Variants in SAMSN1 observed in about 807,000 individuals in gnomAD.
SAMSN1 encodes SAM domain-containing protein SAMSN-1.
Under a neutral mutation model 42.0 loss-of-function variants are expected in SAMSN1, and 31 were observed. The observed-to-expected ratio is 0.74, with a 90% CI of 0.55 to 1.00. SAMSN1 has a LOEUF of 1.00. Ranked by LOEUF, SAMSN1 falls within the 50% of genes least tolerant of loss-of-function variation. The pLI is 0.00. For missense variants in SAMSN1, 464 were observed against 439.4 expected (o/e 1.06, Z -0.50); for synonymous variants, 178 against 151.9 (o/e 1.17, Z -1.26).
intron 1 of SAMSN1, among the ~76,000 whole-genome samples, chr21:14,535,996 T>A (rs909464034): frequency 6.6e-6 from 1 of 152,232 alleles, no homozygotes; most frequent in South Asian, 2.1e-4. Context: ...TCTCTATCTA[T>A]GCAAGAATCA....
At chr21:14,605,660 A>T (rs1486027041) in intron 5 of SAMSN1, among the ~76,000 whole-genome samples, 1 of 152,098 alleles carries the variant, frequency 6.6e-6, no homozygotes, top group Non-Finnish European at 1.5e-5. Context: ...TGGCCAAATG[A>T]TATTGACTAG....
chr21:14,532,231 T>C (rs917216969), intron 1 of SAMSN1, among the ~76,000 whole-genome samples: 2 of 152,200 alleles, frequency 1.3e-5, no homozygotes, highest in African/African-American at 4.8e-5. Flanking sequence ...CTTTTTTGCA[T>C]GCTTTATGCC....
intron 1 of SAMSN1, among the ~76,000 whole-genome samples, chr21:14,527,163 C>T (rs1284017017): frequency 6.6e-6 from 1 of 152,204 alleles, no homozygotes; most frequent in Admixed American, 6.5e-5. Context: ...TAGTAATGTA[C>T]TCAAAGATCA....
intron 5 of SAMSN1, among the ~76,000 whole-genome samples, chr21:14,605,131 T>A (rs1478071246): frequency 6.6e-6 from 1 of 152,240 alleles, no homozygotes; most frequent in Non-Finnish European, 1.5e-5. Context: ...AGTTTTTATT[T>A]CTAATCAGCT....
chr21:14,655,542 T>G (rs1014426528), intron 1 of SAMSN1, among the ~76,000 whole-genome samples: 2 of 151,838 alleles, frequency 1.3e-5, no homozygotes, highest in Admixed American at 1.3e-4. Context: ...TGATACAGAT[T>G]AAAATATTTA....
chr21:14,618,433 T>C (rs1199902692), intron 2 of SAMSN1, among the ~76,000 whole-genome samples: 1 of 152,194 alleles, frequency 6.6e-6, no homozygotes, highest in Admixed American at 6.5e-5. Context: ...CCCTCGGTGT[T>C]GCCTAGTTGT....
At chr21:14,581,427 C>T (rs897515414) in intron 2 of SAMSN1, among the ~76,000 whole-genome samples, 1 of 124,822 alleles carries the variant, frequency 8.0e-6, no homozygotes, top group Admixed American at 1.1e-4. Flanking sequence ...GGCGCGATCT[C>T]GGCTCACTGC....
chr21:14,507,417 A>T (rs955765316), intron 5 of SAMSN1, among the ~76,000 whole-genome samples: 1 of 152,216 alleles, frequency 6.6e-6, no homozygotes, highest in African/African-American at 2.4e-5. Context: ...CTAAGAATCA[A>T]ATCAAGAACT....
chr21:14,593,135 T>C (rs576649502), intron 7 of SAMSN1, among the ~76,000 whole-genome samples: 6 of 152,196 alleles, frequency 3.9e-5, no homozygotes, highest in African/African-American at 1.4e-4. Context: ...TTATAAAAAC[T>C]TAGATGTTAA....
chr21:14,583,319 C>A lies in SAMSN1; in HGVS notation c.-93+1G>T. ...ATCAAAGTTGCATGCCATGGACATA[C>A]CAATTTGTTATGCTTACATCAAAAT... On this transcript the variant is annotated splice_donor_variant, in intron 1 of 8. Coordinates refer to the SAMSN1 transcript ENST00000285670. LOFTEE classifies it low-confidence loss of function (5UTR_SPLICE). The A allele has an allele frequency of 4.8e-6, 1 of 206,774 alleles. No individual in the cohort carries two copies. Among genetic ancestry groups the A allele is most frequent in the Non-Finnish European group, 9.7e-6 (1 of 103,256 alleles). 12.8% of individuals were successfully genotyped at this position (206,774 alleles called of 1,614,324 possible).
chr21:14,524,318 A>T (rs184685535), intron 1 of SAMSN1, among the ~76,000 whole-genome samples: 37 of 152,300 alleles, frequency 2.4e-4, no homozygotes, highest in African/African-American at 8.7e-4. Context: ...TAGACTTAGT[A>T]AATATTATCT....
chr21:14,554,098 A>G (rs1427506566), intron 2 of SAMSN1, among the ~76,000 whole-genome samples: 1 of 152,198 alleles, frequency 6.6e-6, no homozygotes, highest in Non-Finnish European at 1.5e-5. Flanking sequence ...TACTATAATA[A>G]ATACAATAAA....
chr21:14,508,253 C>T (rs1412679756), intron 5 of SAMSN1, among the ~76,000 whole-genome samples: 1 of 152,130 alleles, frequency 6.6e-6, no homozygotes, highest in East Asian at 1.9e-4. Flanking sequence ...AAGAAACAGT[C>T]AGCAGAGCAA....
chr21:14,490,781 C>T (rs1366244050), intron 7 of SAMSN1, among the ~76,000 whole-genome samples: 1 of 152,158 alleles, frequency 6.6e-6, no homozygotes, highest in African/African-American at 2.4e-5. Context: ...TTCCCCTCCT[C>T]TTGCATATCT....
At chr21:14,572,715 A>G (rs887063553) in intron 2 of SAMSN1, among the ~76,000 whole-genome samples, 1 of 152,144 alleles carries the variant, frequency 6.6e-6, no homozygotes, top group African/African-American at 2.4e-5. Context: ...TCAAGCTGTT[A>G]AACCCTTACT....
Position 14,485,744 on chromosome 21 carries a change from T to C in SAMSN1, c.*168A>G. On this transcript the variant is annotated 3_prime_UTR_variant, in exon 8 of 8. Coordinates refer to ENST00000400566, the MANE Select transcript of SAMSN1 (RefSeq NM_022136.5). Reference sequence around the variant, plus strand: ...AATATATATTTTATTGACAGTAATTTGGAATGTTAGAGATACAAAATTTTA... The same window carrying C: ...AATATATATTTTATTGACAGTAATTCGGAATGTTAGAGATACAAAATTTTA... The C allele has an allele frequency of 1.9e-6, 1 of 537,126 alleles. No individual in the cohort carries two copies. Among genetic ancestry groups the C allele is most frequent in the Middle Eastern group, 5.0e-4 (1 of 2,020 alleles). 33.3% of individuals were successfully genotyped at this position (537,126 alleles called of 1,614,324 possible).
At chr21:14,643,137 C>T (rs1056347696) in intron 1 of SAMSN1, 6 of 716,330 alleles carry the variant, frequency 8.4e-6, no homozygotes. Flanking sequence ...AGCCCTCCTG[C>T]AATACAGAGA....
In SAMSN1 at chr21:14,510,165, G is replaced by T. The variant is rs73344153; in HGVS notation, c.561+145C>A. ...AAAAGAAAAAAAAAAAAGAAAAAAA[G>T]TCTTAGTACTGTAAGCTAGCCTCCA... On this transcript the variant is annotated intron_variant, in intron 5 of 7. Transcript: ENST00000400566. 10,243 of 728,776 alleles carry T rather than the reference G, an allele frequency of 0.014. 888 individuals carry two copies. In the African/African-American group the frequency reaches 0.17, roughly 12 times the overall value. The allele number at this position is 728,776 out of a possible 1,614,324, so 45.1% of individuals were successfully genotyped here.
chr21:14,649,454 GA>G (rs947767299), intron 1 of SAMSN1, among the ~76,000 whole-genome samples: 3 of 151,968 alleles, frequency 2.0e-5, no homozygotes, highest in Admixed American at 6.6e-5. Context: ...AAAAAGTTAT[GA>G]AAAAAATAAA....
Sources: allele counts gnomAD v4.1 joint callset (sites outside exome capture counted in the v4.1 genomes callset), GRCh38; gene constraint gnomAD v4.1.1; transcripts MANE v1.5; gene names NCBI Gene and HGNC (gene_info 2026-07-23, HGNC 2026-07-21).